Variants in PDE6A observed in about 807,000 individuals in gnomAD.
PDE6A encodes the protein phosphodiesterase 6A.
Under a neutral mutation model 106.3 loss-of-function variants are expected in PDE6A, and 84 were observed. That is an observed-to-expected ratio of 0.79 (90% confidence interval 0.66 to 0.95). The LOEUF is 0.95. Ranked by LOEUF, PDE6A falls within the 40% of genes least tolerant of loss-of-function variation. The probability of loss-of-function intolerance (pLI) is 0.00; values close to 1 mark genes in which losing one functional copy is unlikely to be tolerated. For synonymous variants in PDE6A, 394 were observed against 386.6 expected (o/e 1.02, Z -0.23); for missense variants, 1,052 against 1,084.9 (o/e 0.97, Z 0.43).
intron 7 of PDE6A, among the ~76,000 whole-genome samples, chr5:149,906,453 G>A (rs1272484816): frequency 7.1e-6 from 1 of 141,026 alleles, no homozygotes; most frequent in Non-Finnish European, 1.5e-5. Flanking sequence ...TTGAGCCCAG[G>A]AGGCGGAGGT....
chr5:149,921,713 G>A lies in PDE6A; in HGVS notation c.859-4C>T, dbSNP rs1223221923. 3.1e-6 allele frequency: 5 copies of A among 1,611,992 alleles called. No individual in the cohort carries two copies. The highest frequency in any genetic ancestry group is 2.7e-5 in the African/African-American group (2 of 74,824). ...CCGGCCACACATCAAAAAATTCCTAGGAATGAGAAAAACAATAATTACATG... is the reference window on the plus strand; with the variant it reads ...CCGGCCACACATCAAAAAATTCCTAAGAATGAGAAAAACAATAATTACATG... On this transcript the variant is annotated splice_region_variant and splice_polypyrimidine_tract_variant and intron_variant, in intron 4 of 21. Transcript: ENST00000255266.
At chr5:149,921,023 A>T (rs1164859804) in intron 5 of PDE6A, among the ~76,000 whole-genome samples, 2 of 151,488 alleles carry the variant, frequency 1.3e-5, no homozygotes, top group Non-Finnish European at 3.0e-5. Flanking sequence ...AAACCTACGT[A>T]GCCAAGCAAG....
intron 20 of PDE6A, among the ~76,000 whole-genome samples, chr5:149,864,203 G>A (rs1167563615): frequency 6.6e-6 from 1 of 152,022 alleles, no homozygotes; most frequent in Non-Finnish European, 1.5e-5. Context: ...AGGATACTCA[G>A]TAAATATTTT....
intron 12 of PDE6A, among the ~76,000 whole-genome samples, 167 bp from the exon 13 acceptor site, chr5:149,895,457 A>G (rs1276181733): frequency 1.3e-5 from 2 of 152,200 alleles, no homozygotes; most frequent in East Asian, 1.9e-4. Flanking sequence ...ACTAGATGCA[A>G]TCATGCTGCG....
At chr5:149,901,741 T>G (rs1276629481) in intron 8 of PDE6A, among the ~76,000 whole-genome samples, 2 of 152,222 alleles carry the variant, frequency 1.3e-5, no homozygotes, top group African/African-American at 4.8e-5. Flanking sequence ...GTCTTCAGGC[T>G]TGTCGCATTG....
At chr5:149,917,549 T>C (rs1753592545) in intron 5 of PDE6A, among the ~76,000 whole-genome samples, 1 of 152,190 alleles carries the variant, frequency 6.6e-6, no homozygotes, top group Non-Finnish European at 1.5e-5. Context: ...CTGCACTGAC[T>C]GAATACTTCT....
intron 1 of PDE6A, among the ~76,000 whole-genome samples, chr5:149,937,042 G>T (rs536908053): frequency 1.3e-5 from 2 of 152,346 alleles, no homozygotes; most frequent in East Asian, 3.9e-4. Context: ...TGAGGAAACT[G>T]CTTTGAAGGA....
At chr5:149,873,771 G>T (rs560643244) in intron 17 of PDE6A, among the ~76,000 whole-genome samples, 9 of 152,264 alleles carry the variant, frequency 5.9e-5, no homozygotes, top group African/African-American at 2.2e-4. Context: ...CAGACTGTCA[G>T]AAGCAAAATC....
At position 149,901,992 on chromosome 5, in the gene PDE6A, A is replaced by G. The variant is rs76866013; in HGVS notation, c.1113+1656T>C. Among the ~76,000 whole-genome samples the G allele has an allele frequency of 1.1e-3, 173 of 152,358 alleles. 5 individuals carry two copies. In the East Asian group the frequency reaches 0.03, roughly 26 times the overall value. On this transcript the variant is annotated intron_variant, in intron 8 of 21. Transcript: ENST00000255266. ...CCCAGAGCTGAGGATATCAAGAAAG[A>G]TAAGACCCAACCTTGACCAAAGGAA...
At position 149,944,472 on chromosome 5, in the gene PDE6A, AG is replaced by A; in HGVS notation, c.201del (p.Gln69ArgfsTer14). ...ESEIIFDLLR[D>X]FQENLQTEKC... The stretch of plus-strand genomic sequence containing the variant: ...TTCTCTGTCTGTAAATTCTCCTGAA[AG>A]TCCCGCAGGAGATCAAAGATGATTT... On this transcript the variant is annotated frameshift_variant, in exon 1 of 22. Coordinates refer to ENST00000255266, the MANE Select transcript of PDE6A (RefSeq NM_000440.3). LOFTEE classifies it high-confidence loss of function. The A allele has an allele frequency of 6.2e-7, 1 of 1,614,152 alleles. No individual in the cohort carries two copies. Among genetic ancestry groups the A allele is most frequent in the East Asian group, 2.2e-5 (1 of 44,870 alleles).
intron 16 of PDE6A, 73 bp downstream of exon 16, chr5:149,884,406 A>G (rs577482519): frequency 2.4e-5 from 21 of 866,408 alleles, no homozygotes; most frequent in Admixed American, 1.3e-4. Flanking sequence ...ATGTATATAT[A>G]TGTGTGTATA....
At chr5:149,941,089 T>C (rs1754316553) in intron 1 of PDE6A, among the ~76,000 whole-genome samples, 1 of 152,176 alleles carries the variant, frequency 6.6e-6, no homozygotes, top group African/African-American at 2.4e-5. Context: ...CCTGCCGTAA[T>C]GGGACAAACA....
At chr5:149,929,609 A>AAATAAAT (rs1753967518) in intron 4 of PDE6A, among the ~76,000 whole-genome samples, 2 of 145,296 alleles carry the variant, frequency 1.4e-5, no homozygotes, top group Non-Finnish European at 3.0e-5. Flanking sequence ...TCCGTCTCAA[A>AAATAAAT]AAATAAATAA....
chr5:149,907,067 C>T (rs1753219593), intron 7 of PDE6A, among the ~76,000 whole-genome samples: 1 of 152,178 alleles, frequency 6.6e-6, no homozygotes, highest in Non-Finnish European at 1.5e-5. Context: ...CCACTGTACC[C>T]GGCCAAGACT....
intron 17 of PDE6A, among the ~76,000 whole-genome samples, chr5:149,873,079 G>A (rs1433001839): frequency 6.6e-6 from 1 of 152,062 alleles, no homozygotes; most frequent in Non-Finnish European, 1.5e-5. Flanking sequence ...TTCAAGATGA[G>A]CAGGAAAAAA....
intron 17 of PDE6A, among the ~76,000 whole-genome samples, chr5:149,868,661 T>A (rs1223143673): frequency 6.6e-6 from 1 of 152,204 alleles, no homozygotes; most frequent in Non-Finnish European, 1.5e-5. Context: ...TCATCATTGT[T>A]CCCTGCCCCA....
chr5:149,903,147 T>TAAAAAAAAAAAAAAAAAA (rs373566897), intron 8 of PDE6A, among the ~76,000 whole-genome samples: 43 of 90,884 alleles, frequency 4.7e-4, no homozygotes, highest in Non-Finnish European at 6.0e-4. Context: ...AGACCCTCTC[T>TAAAAAAAAAAAAAAAAAA]AAAAAAAAAA....
chr5:149,876,916 TAGATAGATAGATAGATACATAGATA>T (rs1760761628), intron 17 of PDE6A, among the ~76,000 whole-genome samples: 2 of 148,784 alleles, frequency 1.3e-5, no homozygotes, highest in African/African-American at 5.0e-5. Context: ...TGAGAGATGA[TAGATAGATAGATAGATACATAGATA>T]GATAGATGAT....
chr5:149,917,522 C>A (rs1007741567), intron 5 of PDE6A, among the ~76,000 whole-genome samples: 1 of 152,122 alleles, frequency 6.6e-6, no homozygotes, highest in South Asian at 2.1e-4. Context: ...CTGCTCAAAG[C>A]CTAGCATTGG....
Sources: allele counts gnomAD v4.1 joint callset (sites outside exome capture counted in the v4.1 genomes callset), GRCh38; gene constraint gnomAD v4.1.1; transcripts MANE v1.5; gene names NCBI Gene and HGNC (gene_info 2026-07-23, HGNC 2026-07-21).